ALG2: variants seen among roughly 807,000 people sequenced by gnomAD.
The protein encoded by ALG2 is ALG2 alpha-1,3/1,6-mannosyltransferase, also known as alpha-1,3/1,6-mannosyltransferase ALG2.
Under a neutral mutation model 30.5 loss-of-function variants are expected in ALG2, and 32 were observed. That is an observed-to-expected ratio of 1.05 (90% CI 0.79 to 1.41). The LOEUF (loss-of-function observed/expected upper bound fraction) is 1.41, where lower values mean the gene tolerates loss of function less well. ALG2 is among the 40% of genes most tolerant of loss of function. ALG2 has a pLI of 0.00. For missense variants in ALG2, 574 were observed against 526.4 expected, an observed-to-expected ratio of 1.09 and a Z score of -0.88; for synonymous variants, 253 against 224.8, an observed-to-expected ratio of 1.13 and a Z score of -1.12.
In ALG2 at chr9:99,217,763, T is replaced by C. The variant is rs994598506; in HGVS notation, c.*171A>G. 3.8e-6 allele frequency: 3 copies of C among 780,120 alleles called. No individual in the cohort carries two copies. The African/African-American group carries it at 5.1e-5, about 13-fold the overall frequency. 48.3% of individuals were successfully genotyped at this position (780,120 alleles called of 1,614,324 possible). A position where few individuals can be genotyped will look rare whatever the true frequency, so the allele number is the denominator to read the frequency against. On this transcript the variant is annotated 3_prime_UTR_variant, in exon 2 of 2. Coordinates refer to ENST00000476832, the MANE Select transcript of ALG2 (RefSeq NM_033087.4). The stretch of plus-strand genomic sequence containing the variant: ...TATAGCATAAAAGACATGGTTTTTC[T>C]GAAAAGTGGACAGGGAGGTGTGGTA...
rs781101656 is a variant in ALG2 at position 99,216,613 on chromosome 9, GAACT to G, written c.*1317_*1320del. 4.0e-5 allele frequency: 18 copies of G among 453,742 alleles called. No individual in the cohort carries two copies. The highest frequency in any genetic ancestry group is 2.1e-4 in the Admixed American group (9 of 42,518). 28.1% of individuals were successfully genotyped at this position (453,742 alleles called of 1,614,324 possible). ...AAAGAACAATATGGTAGTGCAGCAT[GAACT>G]AACATGCAATTTCTAATTTTCAATA... On this transcript the variant is annotated 3_prime_UTR_variant, in exon 2 of 2. Transcript: ENST00000476832.
Position 99,218,418 on chromosome 9 carries a change from G to A in ALG2, c.767C>T (p.Ser256Phe), listed in dbSNP as rs2118999001. 6.2e-7 allele frequency: 1 copy of A among 1,614,192 alleles called. No individual in the cohort carries two copies. The highest frequency in any genetic ancestry group is 8.5e-7 in the Non-Finnish European group (1 of 1,180,040). Residue 256 changes from serine (S) to phenylalanine (F), a missense_variant, in exon 2 of 2, where the codon TCC (serine) becomes TTC (phenylalanine). Ser to Phe is a radical substitution (Grantham distance 155). Coordinates refer to ENST00000476832, the MANE Select transcript of ALG2 (RefSeq NM_033087.4). ...ALVQLRGRLT[S>F]QDWERVHLIV... ...CAGATGAACCCTCTCCCAATCTTGG[G>A]ATGTCAATCTTCCACGCAGCTGTAC...
In ALG2 at chr9:99,217,420, T is replaced by TA. The variant is rs544873504; in HGVS notation, c.*513dup. On this transcript the variant is annotated 3_prime_UTR_variant, in exon 2 of 2. Coordinates refer to ENST00000476832, the MANE Select transcript of ALG2 (RefSeq NM_033087.4). ...CAGTGTGCAAAAATACAAATTATCTTAAAAAAAATACAGAGCACTCTCGCT... is the reference window on the plus strand; with the variant it reads ...CAGTGTGCAAAAATACAAATTATCTTAAAAAAAAATACAGAGCACTCTCGCT... 431 of 453,838 alleles carry TA rather than the reference T, an allele frequency of 9.5e-4. No homozygotes were observed. Among genetic ancestry groups the TA allele is most frequent in the South Asian group, 6.3e-3 (403 of 64,440 alleles). 28.1% of individuals were successfully genotyped at this position (453,838 alleles called of 1,614,324 possible).
chr9:99,221,454 C>T, intron 1 of ALG2, 93 bp downstream of exon 1: 1 of 1,369,804 alleles, frequency 7.3e-7, no homozygotes, highest in Non-Finnish European at 1.0e-6. Flanking sequence ...TTGCGAACCG[C>T]AGACAGGGAA....
At position 99,218,420 on chromosome 9, in the gene ALG2, T is replaced by G; in HGVS notation, c.765A>C (p.Thr255=). The G allele has an allele frequency of 6.2e-7, 1 of 1,614,236 alleles. No homozygotes were observed. The highest frequency in any genetic ancestry group is 8.5e-7 in the Non-Finnish European group (1 of 1,180,034). ...GATGAACCCTCTCCCAATCTTGGGATGTCAATCTTCCACGCAGCTGTACTA... is the reference window on the plus strand; with the variant it reads ...GATGAACCCTCTCCCAATCTTGGGAGGTCAATCTTCCACGCAGCTGTACTA... ...EALVQLRGRL[T]SQDWERVHLI... is the part of the protein sequence containing the mutation. The change falls in exon 2 of 2, where the codon ACA becomes ACC. Residue 255 remains threonine, a synonymous_variant. Transcript: ENST00000476832.
Position 99,218,494 on chromosome 9 carries a change from TG to T in ALG2, c.690del (p.Ile231SerfsTer10). 6.2e-7 allele frequency: 1 copy of T among 1,614,234 alleles called. No homozygotes were observed. The highest frequency in any genetic ancestry group is 1.1e-5 in the South Asian group (1 of 91,090). On this transcript the variant is annotated frameshift_variant, in exon 2 of 2. Coordinates refer to ENST00000476832, the MANE Select transcript of ALG2 (RefSeq NM_033087.4). LOFTEE classifies it high-confidence loss of function. ...VPKGKKFLLL[S>X]INRYERKKNL... ...TTTTTCTTCCTTTCGTATCTGTTGA[TG>T]GAGAGCAGCAGGAATTTTTTCCCCT...
chr9:99,220,361 A>G (rs1157775365), intron 1 of ALG2, among the ~76,000 whole-genome samples: 6 of 152,222 alleles, frequency 3.9e-5, no homozygotes, highest in African/African-American at 1.4e-4. Flanking sequence ...AATGAAGTGA[A>G]TCTCTAATAT....
Position 99,218,444 on chromosome 9 carries a change from T to C in ALG2, c.741A>G (p.Leu247=). 6.2e-7 allele frequency: 1 copy of C among 1,614,264 alleles called. No individual in the cohort carries two copies. The highest frequency in any genetic ancestry group is 8.5e-7 in the Non-Finnish European group (1 of 1,180,052). The part of the protein sequence containing the change: ...KKNLTLALEA[L]VQLRGRLTSQ... ...ATGTCAATCTTCCACGCAGCTGTAC[T>C]AGGGCTTCCAGTGCCAAAGTCAGAT... Residue 247 remains leucine (L), a synonymous_variant, in exon 2 of 2, where the codon CTA becomes CTG. Transcript: ENST00000476832.
intron 1 of ALG2, among the ~76,000 whole-genome samples, chr9:99,220,205 A>G (rs957109344): frequency 1.3e-5 from 2 of 152,244 alleles, no homozygotes; most frequent in Admixed American, 6.5e-5. Flanking sequence ...AGAAGTACAA[A>G]AATATTTTAA....
At chr9:99,220,876 GTAAA>G (rs1165001396) in intron 1 of ALG2, 1 of 1,201,282 alleles carries the variant, frequency 8.3e-7, no homozygotes, top group African/African-American at 1.6e-5. Context: ...TTTTAATCGA[GTAAA>G]TGTTACTTTT....
Position 99,216,754 on chromosome 9 carries a change from G to A in ALG2, c.*1180C>T. 1 of 453,754 alleles carries A rather than the reference G, an allele frequency of 2.2e-6. No homozygotes were observed. The allele number at this position is 453,754 out of a possible 1,614,324, so 28.1% of individuals were successfully genotyped here. ...ACCGCACTATGAGGAAAGTAGAATA[G>A]TACAATTATCTCACTTTGCAGATGA... On this transcript the variant is annotated 3_prime_UTR_variant, in exon 2 of 2. Transcript: ENST00000476832.
Position 99,217,224 on chromosome 9 carries a change from C to T in ALG2, c.*710G>A, listed in dbSNP as rs1828709038. 1 of 454,110 alleles carries T rather than the reference C, an allele frequency of 2.2e-6. No homozygotes were observed. Among genetic ancestry groups the T allele is most frequent in the East Asian group, 6.9e-5 (1 of 14,400 alleles). The allele number at this position is 454,110 out of a possible 1,614,324, so 28.1% of individuals were successfully genotyped here. A position where few individuals can be genotyped will look rare whatever the true frequency, so the allele number is the denominator to read the frequency against. ...TAAGAAATATACCCTAAACAAGATGCACAACACATGTGTGACAATATTCTT... is the reference window on the plus strand; with the variant it reads ...TAAGAAATATACCCTAAACAAGATGTACAACACATGTGTGACAATATTCTT... On this transcript the variant is annotated 3_prime_UTR_variant, in exon 2 of 2. Coordinates refer to ENST00000476832, the MANE Select transcript of ALG2 (RefSeq NM_033087.4).
Position 99,216,588 on chromosome 9 carries a change from A to G in ALG2, c.*1346T>C, listed in dbSNP as rs1221840198. On this transcript the variant is annotated 3_prime_UTR_variant, in exon 2 of 2. Transcript: ENST00000476832. ...GAATTTCACCCATTGAAGAGCCCCA[A>G]AAGAACAATATGGTAGTGCAGCATG... is the stretch of plus-strand genomic sequence containing the variant. The G allele has an allele frequency of 2.2e-6, 1 of 453,994 alleles. No individual in the cohort carries two copies. Among genetic ancestry groups the G allele is most frequent in the Non-Finnish European group, 4.4e-6 (1 of 226,802 alleles). 28.1% of individuals were successfully genotyped at this position (453,994 alleles called of 1,614,324 possible).
At position 99,216,632 on chromosome 9, in the gene ALG2, A is replaced by T; in HGVS notation, c.*1302T>A. 2.2e-6 allele frequency: 1 copy of T among 453,748 alleles called. No homozygotes were observed. 28.1% of individuals were successfully genotyped at this position (453,748 alleles called of 1,614,324 possible). On this transcript the variant is annotated 3_prime_UTR_variant, in exon 2 of 2. Transcript: ENST00000476832. ...CAGCATGAACTAACATGCAATTTCT[A>T]ATTTTCAATATCCCCAAATTGCAAA...
chr9:99,221,495 G>A (rs1828800037), intron 1 of ALG2, 52 bp downstream of exon 1: 4 of 1,522,868 alleles, frequency 2.6e-6, no homozygotes, highest in Non-Finnish European at 8.8e-7. Flanking sequence ...GCCCGCGGCC[G>A]CCCTCCACGG....
rs1036462788 is a variant in ALG2 at position 99,221,757 on chromosome 9, G to C, written c.138C>G (p.Ser46Arg). 1.3e-6 allele frequency: 2 copies of C among 1,598,856 alleles called. No homozygotes were observed. Among genetic ancestry groups the C allele is most frequent in the Non-Finnish European group, 1.7e-6 (2 of 1,179,512 alleles). The change falls in exon 1 of 2, where the codon AGC becomes AGG. Residue 46 changes from serine to arginine, a missense_variant. Physicochemically the swap from Ser to Arg is moderately radical, Grantham distance 110. Coordinates refer to ENST00000476832, the MANE Select transcript of ALG2 (RefSeq NM_033087.4). The stretch of plus-strand genomic sequence containing the variant: ...CGTAGTGCGCTGTCCAGATCTTCAC[G>C]CTACACCCGCGCGCCTGCAGCGCCA... ...AALALQARGC[S>R]VKIWTAHYDP... is the part of the protein sequence containing the mutation.
chr9:99,218,273 TGAGA>T lies in ALG2; in HGVS notation c.908_911del (p.Phe303Ter). 1 of 1,614,236 alleles carries T rather than the reference TGAGA, an allele frequency of 6.2e-7. No homozygotes were observed. Reference sequence around the variant, plus strand: ...GGAGGAGGGAGATTTTCTGTTTGTCTGAGAAAGACCTCAAGAAGGTCACATACTG... The same window carrying T: ...GGAGGAGGGAGATTTTCTGTTTGTCTAAGACCTCAAGAAGGTCACATACTG... On this transcript the variant is annotated frameshift_variant, in exon 2 of 2. Transcript: ENST00000476832. LOFTEE classifies it high-confidence loss of function.
At position 99,221,942 on chromosome 9, in the gene ALG2, C is replaced by G. The variant is rs1421592202; in HGVS notation, c.-48G>C. 6.6e-7 allele frequency: 1 copy of G among 1,510,580 alleles called. No homozygotes were observed. The highest frequency in any genetic ancestry group is 1.2e-5 in the South Asian group (1 of 81,268). The allele number at this position is 1,510,580 out of a possible 1,614,324, so 93.6% of individuals were successfully genotyped here. A position where few individuals can be genotyped will look rare whatever the true frequency, so the allele number is the denominator to read the frequency against. On this transcript the variant is annotated 5_prime_UTR_variant, in exon 1 of 2. Transcript: ENST00000476832. Reference sequence around the variant, plus strand: ...CCCGCACCCTGATGGGGGTCTTCTGCGCAAGCTCCGCGCTCGTAGCTCCCA... The same window carrying G: ...CCCGCACCCTGATGGGGGTCTTCTGGGCAAGCTCCGCGCTCGTAGCTCCCA...
rs1487389908 is a variant in ALG2, at chr9:99,217,666, TAATTAA to T, written c.*262_*267del. ...GAAGAGCAATAATCCCGAGAAAATA[TAATTAA>T]AATACTCTGCTGAACATGGAATGAC... On this transcript the variant is annotated 3_prime_UTR_variant, in exon 2 of 2. Transcript: ENST00000476832. 1.7e-6 allele frequency: 1 copy of T among 573,466 alleles called. No individual in the cohort carries two copies. Among genetic ancestry groups the T allele is most frequent in the Non-Finnish European group, 3.3e-6 (1 of 306,046 alleles). The allele number at this position is 573,466 out of a possible 1,614,324, so 35.5% of individuals were successfully genotyped here. A position where few individuals can be genotyped will look rare whatever the true frequency, so the allele number is the denominator to read the frequency against.
Sources: allele counts gnomAD v4.1 joint callset (sites outside exome capture counted in the v4.1 genomes callset), GRCh38; gene constraint gnomAD v4.1.1; transcripts MANE v1.5; gene names NCBI Gene and HGNC (gene_info 2026-07-23, HGNC 2026-07-21).